TANGO6: variants seen among roughly 807,000 people sequenced by gnomAD.
TANGO6 encodes the protein transport and golgi organization 6 homolog, also known as transport and Golgi organization protein 6 homolog.
Under a neutral mutation model 114.2 loss-of-function variants are expected in TANGO6, and 90 were observed. That is an observed-to-expected ratio of 0.79 (90% CI 0.66 to 0.94). The LOEUF (loss-of-function observed/expected upper bound fraction) is 0.94. TANGO6 is among the 40% of genes least tolerant of loss of function. The pLI is 0.00. For missense variants in TANGO6, 1,274 were observed against 1,315.3 expected (o/e 0.97, Z 0.49); for synonymous variants, 477 against 509.8 (o/e 0.94, Z 0.87).
chr16:69,049,763 A>T (rs757581460), intron 17 of TANGO6, among the ~76,000 whole-genome samples: 3 of 150,596 alleles, frequency 2.0e-5, no homozygotes, highest in Non-Finnish European at 4.4e-5. Context: ...TTTTATAAAG[A>T]TGGGGTCTCA....
intron 7 of TANGO6, among the ~76,000 whole-genome samples, chr16:68,887,957 A>G (rs528894088): frequency 2.0e-5 from 3 of 152,296 alleles, no homozygotes; most frequent in African/African-American, 7.2e-5. Flanking sequence ...GGGAAAAAGT[A>G]TAGGGGAAGG....
chr16:68,915,400 A>G (rs1485123053), intron 11 of TANGO6, among the ~76,000 whole-genome samples: 1 of 152,078 alleles, frequency 6.6e-6, no homozygotes, highest in African/African-American at 2.4e-5. Context: ...CTGGGTAGCC[A>G]GGACTACAGA....
In TANGO6 at chr16:68,909,234, AAATGAAAC is replaced by A; in HGVS notation, c.1826_1833del (p.Asn609ArgfsTer5). 6.3e-7 allele frequency: 1 copy of A among 1,589,816 alleles called. No individual in the cohort carries two copies. Among genetic ancestry groups the A allele is most frequent in the Non-Finnish European group, 8.6e-7 (1 of 1,166,074 alleles). On this transcript the variant is annotated frameshift_variant, in exon 11 of 18. Transcript: ENST00000261778. LOFTEE classifies it high-confidence loss of function. Reference sequence around the variant, plus strand: ...AGGAGTTGACTCATGTGGCCTCGGAAAATGAAACAGAGTTAAAAACTGAGCCCTTCTCC... The same window carrying A: ...AGGAGTTGACTCATGTGGCCTCGGAAAGAGTTAAAAACTGAGCCCTTCTCC...
intron 14 of TANGO6, among the ~76,000 whole-genome samples, chr16:68,955,316 G>A (rs915787844): frequency 3.9e-5 from 6 of 152,174 alleles, no homozygotes; most frequent in African/African-American, 1.2e-4. Flanking sequence ...AAAATTGAAT[G>A]TATCTATTAT....
chr16:68,863,843 G>T (rs1481971089), intron 3 of TANGO6, among the ~76,000 whole-genome samples: 9 of 152,220 alleles, frequency 5.9e-5, no homozygotes, highest in Non-Finnish European at 1.5e-5. Context: ...TATATATTCT[G>T]CTAGGGATAA....
intron 15 of TANGO6, among the ~76,000 whole-genome samples, chr16:69,021,710 C>A (rs1437756987): frequency 6.6e-6 from 1 of 151,886 alleles, no homozygotes; most frequent in African/African-American, 2.4e-5. Context: ...AAGCAGACAG[C>A]AGGATAAGAC....
intron 17 of TANGO6, among the ~76,000 whole-genome samples, chr16:69,064,613 A>C (rs188052494): frequency 6.6e-6 from 1 of 152,232 alleles, no homozygotes; most frequent in Non-Finnish European, 1.5e-5. Context: ...AGTAATGCAC[A>C]TATGAAAAAC....
At chr16:68,891,283 A>G (rs1257073859) in intron 7 of TANGO6, among the ~76,000 whole-genome samples, 1 of 138,958 alleles carries the variant, frequency 7.2e-6, no homozygotes, top group Admixed American at 7.4e-5. Context: ...CAAGAGCAAA[A>G]CTCCATCTCA....
chr16:69,028,266 A>G (rs528458566), intron 16 of TANGO6, among the ~76,000 whole-genome samples: 13 of 152,076 alleles, frequency 8.5e-5, no homozygotes, highest in African/African-American at 2.7e-4. Context: ...CGGCCCTCCA[A>G]ATATTATTAT....
In TANGO6 at chr16:69,000,216, T is replaced by C. The variant is rs545362395; in HGVS notation, c.2843-22612T>C. On this transcript the variant is annotated intron_variant, in intron 15 of 17. Coordinates refer to ENST00000261778, the MANE Select transcript of TANGO6 (RefSeq NM_024562.2). ...TTATACAAATACAGCCCAAAGAAAC[T>C]CAAATACCATTGTATATTTAACAGT... Among the ~76,000 whole-genome samples, 134 of 152,324 alleles carry C rather than the reference T, an allele frequency of 8.8e-4. 1 individual carries two copies. Among genetic ancestry groups the C allele is most frequent in the Non-Finnish European group, 1.9e-3 (126 of 68,010 alleles).
At chr16:68,893,022 A>G (rs35232169) in intron 7 of TANGO6, among the ~76,000 whole-genome samples, 1 of 152,244 alleles carries the variant, frequency 6.6e-6, no homozygotes, top group African/African-American at 2.4e-5. Context: ...TCTTTAAAGG[A>G]CTAACTTCAG....
chr16:68,989,167 AT>A (rs1963924426), intron 15 of TANGO6, among the ~76,000 whole-genome samples: 1 of 152,050 alleles, frequency 6.6e-6, no homozygotes. Flanking sequence ...CCAGCCCATG[AT>A]TCTTAATCTC....
intron 7 of TANGO6, among the ~76,000 whole-genome samples, chr16:68,893,668 G>A (rs544645301): frequency 1.8e-4 from 27 of 150,714 alleles, no homozygotes; most frequent in Admixed American, 1.1e-3. Context: ...CCCAAGAGGC[G>A]GAGGTTGCAG....
intron 17 of TANGO6, among the ~76,000 whole-genome samples, chr16:69,065,392 T>G (rs1481784778): frequency 6.6e-6 from 1 of 152,246 alleles, no homozygotes; most frequent in Non-Finnish European, 1.5e-5. Flanking sequence ...CCCACCATCT[T>G]GGTCTTTGTC....
At chr16:68,967,145 T>C (rs1351884303) in intron 14 of TANGO6, among the ~76,000 whole-genome samples, 2 of 152,094 alleles carry the variant, frequency 1.3e-5, no homozygotes, top group Non-Finnish European at 2.9e-5. Flanking sequence ...TTTAGAACAA[T>C]GGCCCCCAAC....
chr16:69,038,246 G>A (rs948623581), intron 16 of TANGO6, among the ~76,000 whole-genome samples: 5 of 151,740 alleles, frequency 3.3e-5, no homozygotes, highest in African/African-American at 1.2e-4. Flanking sequence ...TGGCCAACAC[G>A]GTGAAACCCT....
chr16:68,902,345 T>C lies in TANGO6; in HGVS notation c.1508T>C (p.Ile503Thr), dbSNP rs1347666578. 34 of 1,610,048 alleles carry C rather than the reference T, an allele frequency of 2.1e-5. No individual in the cohort carries two copies. The highest frequency in any genetic ancestry group is 2.8e-5 in the Non-Finnish European group (33 of 1,178,598). ...TCTGCCAGGTCACTTTGCCAAGAAATCTTATTATGGATTCTGGGGAAGCTG... is the reference window on the plus strand; with the variant it reads ...TCTGCCAGGTCACTTTGCCAAGAAACCTTATTATGGATTCTGGGGAAGCTG... ...VSHIRSLCQE[I>T]LLWILGKLER... Residue 503 changes from isoleucine (I) to threonine (T), a missense_variant, in exon 9 of 18, where the codon ATC becomes ACC. Ile to Thr is a moderately conservative substitution (Grantham distance 89, BLOSUM62 -1). Transcript: ENST00000261778.
intron 13 of TANGO6, among the ~76,000 whole-genome samples, chr16:68,929,068 A>C (rs1963207200): frequency 6.6e-6 from 1 of 151,974 alleles, no homozygotes; most frequent in Non-Finnish European, 1.5e-5. Flanking sequence ...ACAGGTGCCC[A>C]CCAACACACC....
intron 7 of TANGO6, among the ~76,000 whole-genome samples, chr16:68,896,802 C>T (rs566535528): frequency 4.8e-4 from 73 of 152,202 alleles, no homozygotes; most frequent in African/African-American, 1.5e-3. Flanking sequence ...AGAAGAAAAC[C>T]TTAATTCTAA....
Sources: allele counts gnomAD v4.1 joint callset (sites outside exome capture counted in the v4.1 genomes callset), GRCh38; gene constraint gnomAD v4.1.1; transcripts MANE v1.5; gene names NCBI Gene and HGNC (gene_info 2026-07-23, HGNC 2026-07-21).